Variants in CTXN2 observed in about 807,000 individuals in gnomAD.
The protein encoded by CTXN2 is cortexin 2.
A neutral mutation model predicts 5.7 loss-of-function variants in CTXN2; 3 were observed. That is an observed-to-expected ratio of 0.53 (90% CI 0.24 to 1.36). The LOEUF (loss-of-function observed/expected upper bound fraction) is 1.36, where lower values mean the gene tolerates loss of function less well. Among genes scored for constraint, CTXN2 ranks in the 40% most tolerant of loss-of-function variants. The pLI, the probability that CTXN2 is intolerant of heterozygous loss-of-function variation, is 0.17. For synonymous variants in CTXN2, 38 were observed against 36.4 expected (o/e 1.04, Z -0.16); for missense variants, 87 against 93.0 (o/e 0.94, Z 0.26).
At chr15:48,193,200 C>T (rs2040841294) in intron 1 of CTXN2, among the ~76,000 whole-genome samples, 1 of 152,116 alleles carries the variant, frequency 6.6e-6, no homozygotes, top group Non-Finnish European at 1.5e-5. Context: ...TGGTGCCTGA[C>T]AATTGCCATG....
intron 1 of CTXN2, among the ~76,000 whole-genome samples, chr15:48,181,627 C>T (rs560991845): frequency 1.3e-5 from 2 of 152,020 alleles, no homozygotes; most frequent in African/African-American, 4.8e-5. Flanking sequence ...GAAAAAGAAA[C>T]TAGACAAAAA....
intron 1 of CTXN2, among the ~76,000 whole-genome samples, chr15:48,201,009 T>G (rs899068370): frequency 2.6e-5 from 4 of 152,192 alleles, no homozygotes; most frequent in Non-Finnish European, 4.4e-5. Context: ...CATACTTGAT[T>G]TATTTAGAGT....
chr15:48,194,731 A>G (rs1333399294), intron 1 of CTXN2, among the ~76,000 whole-genome samples: 2 of 152,136 alleles, frequency 1.3e-5, no homozygotes. Context: ...CTTTTCTGGT[A>G]ACAGAAAATA....
intron 1 of CTXN2, among the ~76,000 whole-genome samples, chr15:48,199,532 C>T (rs189350711): frequency 6.6e-4 from 100 of 152,300 alleles, no homozygotes; most frequent in African/African-American, 2.2e-3. Context: ...TATAGAGAAA[C>T]ATCCTGCTAT....
At chr15:48,184,099 AT>A (rs1169004728) in intron 1 of CTXN2, among the ~76,000 whole-genome samples, 2 of 152,186 alleles carry the variant, frequency 1.3e-5, no homozygotes. Context: ...AAATCTTCAT[AT>A]TTTTAAGTAC....
chr15:48,198,664 A>T (rs2040901365), intron 1 of CTXN2, among the ~76,000 whole-genome samples: 1 of 152,200 alleles, frequency 6.6e-6, no homozygotes, highest in Non-Finnish European at 1.5e-5. Flanking sequence ...CCTCTAAAAA[A>T]TGCCTCTTTT....
At chr15:48,195,887 A>G (rs1871185112) in intron 1 of CTXN2, among the ~76,000 whole-genome samples, 1 of 152,096 alleles carries the variant, frequency 6.6e-6, no homozygotes, top group Non-Finnish European at 1.5e-5. Context: ...CTTTTGTAGA[A>G]GCCTATGTTG....
At chr15:48,194,028 T>G (rs1258486185) in intron 1 of CTXN2, among the ~76,000 whole-genome samples, 1 of 152,192 alleles carries the variant, frequency 6.6e-6, no homozygotes, top group Non-Finnish European at 1.5e-5. Context: ...TACTTCTATT[T>G]GCTTGTGTAG....
At chr15:48,189,145 T>A (rs906678274), upstream of CTXN2, 1 of 152,202 alleles carries the variant, frequency 6.6e-6, no homozygotes, top group Non-Finnish European at 1.5e-5. Context: ...ATGCACCAAC[T>A]AATACCAAGG....
chr15:48,188,438 G>T (rs2040780532), upstream of CTXN2, among the ~76,000 whole-genome samples: 1 of 152,118 alleles, frequency 6.6e-6, no homozygotes. Flanking sequence ...GGTATTGAAA[G>T]AAATGCTTTT....
chr15:48,180,367 T>A (rs2040690238), intron 1 of CTXN2, among the ~76,000 whole-genome samples: 1 of 152,254 alleles, frequency 6.6e-6, no homozygotes, highest in Middle Eastern at 3.2e-3. Context: ...ATCTTTACCA[T>A]TCCATCTGAC....
intron 1 of CTXN2, among the ~76,000 whole-genome samples, chr15:48,186,344 C>T (rs2040755103): frequency 1.3e-5 from 2 of 152,148 alleles, no homozygotes. Flanking sequence ...ATCAACCAGA[C>T]CAGCATTAGA....
intron 1 of CTXN2, among the ~76,000 whole-genome samples, chr15:48,179,837 T>C (rs1460587056): frequency 6.6e-6 from 1 of 152,236 alleles, no homozygotes; most frequent in Non-Finnish European, 1.5e-5. Flanking sequence ...TATAAGTACT[T>C]TCAAAATAGT....
chr15:48,178,560 C>T (rs2040649057), intron 1 of CTXN2: 1 of 300,654 alleles, frequency 3.3e-6, no homozygotes, highest in South Asian at 1.1e-4. Flanking sequence ...ACCAGCCCGC[C>T]TGTCGCTTGG....
In CTXN2 at chr15:48,201,802, A is replaced by G; in HGVS notation, c.*256A>G. On this transcript the variant is annotated 3_prime_UTR_variant, in exon 2 of 2. Coordinates refer to ENST00000417307, the MANE Select transcript of CTXN2 (RefSeq NM_001145668.2). ...CGCCATGTTTACCATCTTTATTCTT[A>G]TCTTGAACAACTGCCTTGAATTTCT... 1 of 447,830 alleles carries G rather than the reference A, an allele frequency of 2.2e-6. No individual in the cohort carries two copies. Among genetic ancestry groups the G allele is most frequent in the Non-Finnish European group, 4.2e-6 (1 of 239,586 alleles). 27.7% of individuals were successfully genotyped at this position (447,830 alleles called of 1,614,324 possible). A position where few individuals can be genotyped will look rare whatever the true frequency, so the allele number is the denominator to read the frequency against.
At chr15:48,189,016 T>C (rs1224394729), upstream of CTXN2, 1 of 152,230 alleles carries the variant, frequency 6.6e-6, no homozygotes, top group Non-Finnish European at 1.5e-5. Flanking sequence ...TATCTCAGCA[T>C]CTAGCAAAGA....
At chr15:48,181,230 T>C (rs2040699342) in intron 1 of CTXN2, among the ~76,000 whole-genome samples, 2 of 152,208 alleles carry the variant, frequency 1.3e-5, no homozygotes, top group African/African-American at 4.8e-5. Context: ...CCAGAGGATA[T>C]ATAGTAGCTT....
chr15:48,199,863 AT>A (rs2040913783), intron 1 of CTXN2, among the ~76,000 whole-genome samples: 1 of 152,130 alleles, frequency 6.6e-6, no homozygotes, highest in African/African-American at 2.4e-5. Flanking sequence ...TTTGAACAAT[AT>A]TTTTTCCCTT....
intron 1 of CTXN2, 35 bp from the exon 2 acceptor site, chr15:48,201,209 G>A: frequency 7.4e-7 from 1 of 1,348,064 alleles, no homozygotes; most frequent in East Asian, 2.5e-5. Context: ...TACCATACAA[G>A]GGTAAAACTA....
Sources: gnomAD v4.1 joint callset for allele counts (sites outside exome capture counted in the v4.1 genomes callset) on GRCh38, gnomAD v4.1.1 for gene constraint, MANE v1.5 for transcripts, NCBI Gene and HGNC (gene_info 2026-07-23, HGNC 2026-07-21) for gene names.